The following UST variants were observed in gnomAD, a reference collection of about 807,000 sequenced individuals.
UST encodes the protein uronyl 2-sulfotransferase.
Under a neutral mutation model 45.6 loss-of-function variants are expected in UST, and 21 were observed. The observed-to-expected ratio is 0.46, with a 90% CI of 0.33 to 0.66. The LOEUF (loss-of-function observed/expected upper bound fraction) is 0.66. UST is among the 30% of genes least tolerant of loss of function. UST has a pLI of 0.02. For synonymous variants in UST, 215 were observed against 200.6 expected (o/e 1.07, Z -0.61); for missense variants, 463 against 512.4 (o/e 0.90, Z 0.93).
rs1779978043 is a variant in UST, at chr6:148,934,284, C to G, written c.292-6995C>G. ...AACAGAATTGTCCCTGAATTCAGGC[C>G]TTGCACAGCCCTGGCTGTGACTCTT... On this transcript the variant is annotated intron_variant, in intron 2 of 7. Coordinates refer to ENST00000367463, the MANE Select transcript of UST (RefSeq NM_005715.3). This position sits in a 1 kb window ranked among gnomAD's most constrained non-coding sequence, Gnocchi z 4.1. 6.6e-6 allele frequency among the ~76,000 whole-genome samples: 1 copy of G among 152,132 alleles called. No individual in the cohort carries two copies. Among genetic ancestry groups the G allele is most frequent in the African/African-American group, 2.4e-5 (1 of 41,430 alleles).
intron 1 of UST, among the ~76,000 whole-genome samples, chr6:148,848,669 C>CAA (rs34813628): frequency 2.5e-3 from 259 of 102,526 alleles, no homozygotes; most frequent in Middle Eastern, 5.5e-3. Context: ...GACTCCATCT[C>CAA]AAAAAAAAAA....
At chr6:149,040,977 G>A (rs1776305280) in intron 7 of UST, among the ~76,000 whole-genome samples, 1 of 152,192 alleles carries the variant, frequency 6.6e-6, no homozygotes. Context: ...TACAGCCTGT[G>A]CATCCCCGTA....
At chr6:148,870,586 C>A (rs1273808638) in intron 1 of UST, among the ~76,000 whole-genome samples, 1 of 152,206 alleles carries the variant, frequency 6.6e-6, no homozygotes, top group Non-Finnish European at 1.5e-5. Flanking sequence ...GGTGCGCCTG[C>A]CCTTCTCTTG....
At chr6:148,863,010 A>T (rs1356248810) in intron 1 of UST, among the ~76,000 whole-genome samples, 1 of 152,006 alleles carries the variant, frequency 6.6e-6, no homozygotes, top group Non-Finnish European at 1.5e-5. Context: ...TCTTTGTGGC[A>T]TTCCCTCTAT....
Position 148,777,176 on chromosome 6 carries a change from C to T in UST, c.247+29499C>T, listed in dbSNP as rs540462458. Among the ~76,000 whole-genome samples, 13 of 152,326 alleles carry T rather than the reference C, an allele frequency of 8.5e-5. 1 individual carries two copies. The East Asian group carries it at 2.5e-3, about 29-fold the overall frequency. Reference sequence around the variant, plus strand: ...GCTCACTTACCGCACTTAAAACCGACTGCTCTTAATGAATAAGGGAACAGC... The same window carrying T: ...GCTCACTTACCGCACTTAAAACCGATTGCTCTTAATGAATAAGGGAACAGC... On this transcript the variant is annotated intron_variant, in intron 1 of 7. Coordinates refer to ENST00000367463, the MANE Select transcript of UST (RefSeq NM_005715.3).
intron 7 of UST, among the ~76,000 whole-genome samples, chr6:149,024,107 G>C (rs1026500987): frequency 6.6e-6 from 1 of 152,232 alleles, no homozygotes; most frequent in Non-Finnish European, 1.5e-5. Context: ...CAGTCCACGT[G>C]GTCCAGCTGG....
At chr6:148,942,286 T>C (rs1315994859) in intron 3 of UST, among the ~76,000 whole-genome samples, 2 of 152,018 alleles carry the variant, frequency 1.3e-5, no homozygotes, top group Non-Finnish European at 2.9e-5. Flanking sequence ...ATCATCATTA[T>C]AAAAATTTCC....
At chr6:148,986,943 T>G (rs1317116182) in intron 5 of UST, among the ~76,000 whole-genome samples, 1 of 152,270 alleles carries the variant, frequency 6.6e-6, no homozygotes, top group Non-Finnish European at 1.5e-5. Flanking sequence ...TGATGCTGAT[T>G]GATATACATC....
chr6:148,775,319 C>T (rs1776509677), intron 1 of UST, among the ~76,000 whole-genome samples: 1 of 152,072 alleles, frequency 6.6e-6, no homozygotes, highest in Admixed American at 6.5e-5. Flanking sequence ...AGTGCAGTGT[C>T]GCCCAGCGTG....
intron 5 of UST, among the ~76,000 whole-genome samples, chr6:149,008,839 A>G (rs1035300056): frequency 6.6e-6 from 1 of 152,026 alleles, no homozygotes; most frequent in Non-Finnish European, 1.5e-5. Context: ...CTGAGAAAAG[A>G]CCTCCCAACC....
At chr6:148,773,186 C>T (rs1264533423) in intron 1 of UST, among the ~76,000 whole-genome samples, 2 of 151,968 alleles carry the variant, frequency 1.3e-5, no homozygotes, top group Non-Finnish European at 2.9e-5. Context: ...TTGGCCAGGT[C>T]TGGTGGCTCA....
chr6:148,860,597 G>GT (rs1227877190), intron 1 of UST, among the ~76,000 whole-genome samples: 2 of 152,166 alleles, frequency 1.3e-5, no homozygotes, highest in African/African-American at 4.8e-5. Flanking sequence ...AATGCTTCCA[G>GT]TTTTTGCCCA....
At chr6:148,971,250 C>T (rs1780913918) in intron 5 of UST, among the ~76,000 whole-genome samples, 1 of 151,858 alleles carries the variant, frequency 6.6e-6, no homozygotes, top group Non-Finnish European at 1.5e-5. Context: ...CTACTAGTGA[C>T]TCATCCACCA....
chr6:149,016,585 C>T (rs1775901920), intron 5 of UST, among the ~76,000 whole-genome samples: 1 of 152,180 alleles, frequency 6.6e-6, no homozygotes, highest in Admixed American at 6.5e-5. Context: ...TCTGAGGGAC[C>T]TACAACCTAA....
intron 1 of UST, among the ~76,000 whole-genome samples, chr6:148,767,013 G>T (rs1776337474): frequency 6.6e-6 from 1 of 152,240 alleles, no homozygotes; most frequent in South Asian, 2.1e-4. Flanking sequence ...TCGAGGATTT[G>T]TTAAGCTATA....
intron 7 of UST, among the ~76,000 whole-genome samples, chr6:149,066,908 C>CA (rs1416544471): frequency 6.6e-6 from 1 of 152,044 alleles, no homozygotes; most frequent in Non-Finnish European, 1.5e-5. Flanking sequence ...CTAGCCTGGG[C>CA]AACAGAGCAA....
chr6:148,855,727 A>G (rs988215860), intron 1 of UST, among the ~76,000 whole-genome samples: 12 of 152,304 alleles, frequency 7.9e-5, no homozygotes, highest in African/African-American at 2.6e-4. Flanking sequence ...TAATGTTCAT[A>G]ATATTAATAC....
chr6:148,780,092 C>T (rs1204127468), intron 1 of UST, among the ~76,000 whole-genome samples: 1 of 148,910 alleles, frequency 6.7e-6, no homozygotes, highest in Non-Finnish European at 1.5e-5. Flanking sequence ...TATATATACA[C>T]ACACACACAC....
intron 2 of UST, among the ~76,000 whole-genome samples, chr6:148,932,634 C>T (rs1263195546): frequency 6.6e-6 from 1 of 152,148 alleles, no homozygotes; most frequent in Non-Finnish European, 1.5e-5. Context: ...AACTGGAAGT[C>T]TTGTATTTTT....
Sources: allele counts gnomAD v4.1 joint callset (sites outside exome capture counted in the v4.1 genomes callset), GRCh38; gene constraint gnomAD v4.1.1; non-coding constraint Gnocchi (gnomAD v3.1); transcripts MANE v1.5; gene names NCBI Gene and HGNC (gene_info 2026-07-23, HGNC 2026-07-21).